The following CBLN2 variants were observed in gnomAD, a reference collection of about 807,000 sequenced individuals.
CBLN2 encodes the protein cerebellin 2 precursor.
CBLN2 carries 7 observed loss-of-function variants against 15.0 expected under a neutral mutation model. The ratio of observed to expected loss-of-function variants is 0.47; its 90% CI spans 0.27 to 0.88. The LOEUF (loss-of-function observed/expected upper bound fraction) is 0.88, where lower values mean the gene tolerates loss of function less well. CBLN2 is among the 40% of genes least tolerant of loss of function. The pLI, the probability that CBLN2 is intolerant of heterozygous loss-of-function variation, is 0.14. For missense variants in CBLN2, 242 were observed against 304.5 expected (o/e 0.79, Z 1.53); for synonymous variants, 149 against 135.2 (o/e 1.10, Z -0.71).
chr18:72,577,261 T>C (rs1254870124), intron 1 of CBLN2, among the ~76,000 whole-genome samples: 1 of 151,842 alleles, frequency 6.6e-6, no homozygotes, highest in East Asian at 1.9e-4. Flanking sequence ...TTTTCTTATA[T>C]ATAATTTTTC....
intron 1 of CBLN2, among the ~76,000 whole-genome samples, chr18:72,565,355 T>C (rs1341415388): frequency 1.3e-5 from 2 of 152,134 alleles, no homozygotes; most frequent in Non-Finnish European, 2.9e-5. Context: ...ACCACCATTA[T>C]AGTATTTCTA....
At chr18:72,554,026 T>A (rs1271450555) in intron 1 of CBLN2, among the ~76,000 whole-genome samples, 1 of 152,230 alleles carries the variant, frequency 6.6e-6, no homozygotes, top group African/African-American at 2.4e-5. Flanking sequence ...TAGTGTAGCA[T>A]CCTTTGGTTC....
intron 1 of CBLN2, among the ~76,000 whole-genome samples, chr18:72,558,377 C>A (rs2069239697): frequency 6.6e-6 from 1 of 152,232 alleles, no homozygotes; most frequent in Non-Finnish European, 1.5e-5. Flanking sequence ...AAGCTCCACA[C>A]TGGGTCTGTC....
chr18:72,613,045 C>A (rs1887947280), intron 1 of CBLN2, among the ~76,000 whole-genome samples: 1 of 152,180 alleles, frequency 6.6e-6, no homozygotes, highest in Non-Finnish European at 1.5e-5. Context: ...TTTGGGGAAG[C>A]ATCACCCTGA....
chr18:72,560,678 A>C (rs1324328414), intron 1 of CBLN2, among the ~76,000 whole-genome samples: 1 of 152,240 alleles, frequency 6.6e-6, no homozygotes, highest in Non-Finnish European at 1.5e-5. Context: ...TATGATACAT[A>C]CATAGATTCC....
In CBLN2 at chr18:72,624,414, C is replaced by T. The variant is rs548845929; in HGVS notation, c.15+13911G>A. On this transcript the variant is annotated intron_variant, in intron 1 of 2. Coordinates refer to the CBLN2 transcript ENST00000581073. ...CAGCACTTTGGGAAGCCGAGGCGGG[C>T]GGATCACTTGAGGTAGGGAGTTCAA... is the stretch of plus-strand genomic sequence containing the variant. 1.2e-4 allele frequency among the ~76,000 whole-genome samples: 18 copies of T among 152,112 alleles called. No homozygotes were observed. In the South Asian group the frequency reaches 2.3e-3, roughly 19 times the overall value.
At chr18:72,615,282 A>AT (rs201338200) in intron 1 of CBLN2, among the ~76,000 whole-genome samples, 35,713 of 81,668 alleles carry the variant, frequency 0.44, 5,361 homozygotes, top group East Asian at 0.65. Context: ...ATATATATAT[A>AT]TTTTTTTTTT....
At chr18:72,584,911 C>A (rs894740609) in intron 1 of CBLN2, among the ~76,000 whole-genome samples, 1 of 152,158 alleles carries the variant, frequency 6.6e-6, no homozygotes, top group African/African-American at 2.4e-5. Context: ...GATACTACTC[C>A]CACACCTGCC....
At chr18:72,623,651 G>A (rs985023891) in intron 1 of CBLN2, among the ~76,000 whole-genome samples, 13 of 152,026 alleles carry the variant, frequency 8.6e-5, no homozygotes, top group Non-Finnish European at 1.6e-4. Flanking sequence ...GTTTGCCCTG[G>A]ACAAGCTGCT....
At chr18:72,589,857 C>T (rs960011458) in intron 1 of CBLN2, among the ~76,000 whole-genome samples, 1 of 152,200 alleles carries the variant, frequency 6.6e-6, no homozygotes, top group Non-Finnish European at 1.5e-5. Context: ...TGGAGGTCAG[C>T]TGCAGTGGCT....
At chr18:72,602,061 C>T (rs1020684291) in intron 1 of CBLN2, among the ~76,000 whole-genome samples, 4 of 152,072 alleles carry the variant, frequency 2.6e-5, no homozygotes, top group African/African-American at 4.8e-5. Flanking sequence ...CATCTGGGCT[C>T]ACTGGCAGAC....
intron 1 of CBLN2, among the ~76,000 whole-genome samples, chr18:72,586,435 T>C (rs1459885289): frequency 6.6e-6 from 1 of 152,150 alleles, no homozygotes; most frequent in East Asian, 1.9e-4. Context: ...ACTTCTTAAA[T>C]GGAACCAAGA....
Position 72,561,963 on chromosome 18 carries a change from A to T in CBLN2, c.16-23191T>A, listed in dbSNP as rs982563924. Among the ~76,000 whole-genome samples the T allele has an allele frequency of 3.3e-5, 5 of 152,200 alleles. 1 individual carries two copies. Among genetic ancestry groups the T allele is most frequent in the Admixed American group, 2.6e-4 (4 of 15,274 alleles). On this transcript the variant is annotated intron_variant, in intron 1 of 2. Transcript: ENST00000581073. Reference sequence around the variant, plus strand: ...GGTGGTCTATGTGATAAGTCACCTTATCATTTAACAGAATCATTGCTAGGT... The same window carrying T: ...GGTGGTCTATGTGATAAGTCACCTTTTCATTTAACAGAATCATTGCTAGGT...
chr18:72,577,961 C>G (rs1020370264), intron 1 of CBLN2, among the ~76,000 whole-genome samples: 1 of 152,070 alleles, frequency 6.6e-6, no homozygotes, highest in African/African-American at 2.4e-5. Context: ...GCTTCAAAGA[C>G]CATATTATTT....
chr18:72,558,324 G>A (rs901934131), intron 1 of CBLN2, among the ~76,000 whole-genome samples: 1 of 152,194 alleles, frequency 6.6e-6, no homozygotes, highest in Non-Finnish European at 1.5e-5. Context: ...CCATGGTGTT[G>A]TCACACATCA....
rs2069082441 is a variant in CBLN2, at chr18:72,538,269, C to T, written c.582G>A (p.Arg194=). The T allele has an allele frequency of 6.2e-7, 1 of 1,614,030 alleles. No homozygotes were observed. Among genetic ancestry groups the T allele is most frequent in the South Asian group, 1.1e-5 (1 of 91,086 alleles). ...ASNGVLLLME[R]EDKVHLKLER... ...CAAGTTTGAGATGCACTTTGTCTTC[C>T]CTTTCCATGAGCAGCAGCACGCCAT... Residue 194 remains arginine, a synonymous_variant, in exon 5 of 5, where the codon AGG becomes AGA. Transcript: ENST00000269503.
At chr18:72,551,515 A>T (rs759527372) in intron 1 of CBLN2, among the ~76,000 whole-genome samples, 1 of 152,198 alleles carries the variant, frequency 6.6e-6, no homozygotes, top group Non-Finnish European at 1.5e-5. Context: ...GTGGACTAAA[A>T]GTGTCACTAA....
At chr18:72,575,116 G>T (rs1318180905) in intron 1 of CBLN2, among the ~76,000 whole-genome samples, 3 of 152,172 alleles carry the variant, frequency 2.0e-5, no homozygotes, top group Non-Finnish European at 1.5e-5. Context: ...GAGGGTGCAA[G>T]TACGGTTGGA....
intron 1 of CBLN2, among the ~76,000 whole-genome samples, chr18:72,573,781 G>C (rs1182588753): frequency 2.0e-5 from 3 of 152,272 alleles, no homozygotes; most frequent in African/African-American, 2.4e-5. Flanking sequence ...TGTAGATCTA[G>C]GTTTTCAAAT....
Sources: gnomAD v4.1 joint callset for allele counts (sites outside exome capture counted in the v4.1 genomes callset) on GRCh38, gnomAD v4.1.1 for gene constraint, MANE v1.5 for transcripts, NCBI Gene and HGNC (gene_info 2026-07-23, HGNC 2026-07-21) for gene names.